The following VPS41 variants were observed in gnomAD, a reference collection of about 807,000 sequenced individuals.
VPS41 encodes the protein VPS41 subunit of HOPS complex.
In VPS41, 85 loss-of-function variants were observed where a neutral mutation model predicts 130.9. That is an observed-to-expected ratio of 0.65 (90% CI 0.55 to 0.78). VPS41 has a LOEUF of 0.78. VPS41 is among the 30% of genes least tolerant of loss of function. The probability of loss-of-function intolerance (pLI) is 0.00; values close to 1 mark genes in which losing one functional copy is unlikely to be tolerated. For synonymous variants in VPS41, 335 were observed against 332.9 expected (o/e 1.01, Z -0.07); for missense variants, 874 against 1,018.7 (o/e 0.86, Z 1.93).
intron 2 of VPS41, among the ~76,000 whole-genome samples, chr7:38,893,627 C>T (rs1786913701): frequency 6.6e-6 from 1 of 152,222 alleles, no homozygotes; most frequent in African/African-American, 2.4e-5. Flanking sequence ...CTGGAAGGAC[C>T]AGTTTAGTTA....
At chr7:38,813,845 C>T (rs897658716) in intron 7 of VPS41, among the ~76,000 whole-genome samples, 2 of 151,884 alleles carry the variant, frequency 1.3e-5, no homozygotes, top group African/African-American at 2.4e-5. Flanking sequence ...ATGCTTGGAA[C>T]GAGATGTCAA....
chr7:38,805,895 T>C (rs571152785), intron 7 of VPS41, among the ~76,000 whole-genome samples: 2 of 152,328 alleles, frequency 1.3e-5, no homozygotes, highest in East Asian at 3.9e-4. Context: ...CTGCAGGCTG[T>C]TCAGTAAGCA....
intron 4 of VPS41, among the ~76,000 whole-genome samples, chr7:38,835,740 T>C (rs1785477429): frequency 6.6e-6 from 1 of 151,890 alleles, no homozygotes; most frequent in Non-Finnish European, 1.5e-5. Flanking sequence ...TATCAAAGAC[T>C]GATTAAAAAC....
At chr7:38,785,510 C>T (rs1321876286) in intron 10 of VPS41, among the ~76,000 whole-genome samples, 1 of 152,196 alleles carries the variant, frequency 6.6e-6, no homozygotes, top group Non-Finnish European at 1.5e-5. Context: ...AATGACAACA[C>T]TAAGCTGATA....
rs1562569211 is a variant in VPS41, at chr7:38,745,553, A to G, written c.1981+6T>C. On this transcript the variant is annotated splice_donor_region_variant and intron_variant, in intron 23 of 28. Coordinates refer to ENST00000310301, the MANE Select transcript of VPS41 (RefSeq NM_014396.4). Reference sequence around the variant, plus strand: ...ATGGGGACCAAAATGAATAAAAGCTACTTACTCAGAAGATAAACTGTCTCT... The same window carrying G: ...ATGGGGACCAAAATGAATAAAAGCTGCTTACTCAGAAGATAAACTGTCTCT... 2 of 1,608,680 alleles carry G rather than the reference A, an allele frequency of 1.2e-6. No homozygotes were observed. The highest frequency in any genetic ancestry group is 2.7e-5 in the African/African-American group (2 of 74,858).
chr7:38,895,828 G>A (rs946101984), intron 2 of VPS41, among the ~76,000 whole-genome samples: 6 of 152,096 alleles, frequency 3.9e-5, no homozygotes, highest in African/African-American at 1.4e-4. Context: ...TTAAATTCTC[G>A]AAATCCACCA....
chr7:38,771,066 A>G, intron 14 of VPS41, 132 bp downstream of exon 14: 1 of 697,274 alleles, frequency 1.4e-6, no homozygotes, highest in Non-Finnish European at 2.4e-6. Flanking sequence ...TTTTGATCTC[A>G]TAGGTTAGGG....
In VPS41 at chr7:38,830,243, C is replaced by A. The variant is rs778218664; in HGVS notation, c.321+11G>T. ...CACAGAACTCTCTGCATGACCACAT[C>A]TTTGCCATACCTTGCCATCCTCTGA... On this transcript the variant is annotated intron_variant, in intron 5 of 28. Transcript: ENST00000310301. The A allele has an allele frequency of 1.1e-5, 18 of 1,600,094 alleles. No homozygotes were observed. Among genetic ancestry groups the A allele is most frequent in the Non-Finnish European group, 1.4e-5 (16 of 1,167,196 alleles).
intron 10 of VPS41, among the ~76,000 whole-genome samples, chr7:38,780,670 C>A (rs1345712528): frequency 6.6e-6 from 1 of 152,158 alleles, no homozygotes; most frequent in Non-Finnish European, 1.5e-5. Context: ...GGCCAAAACA[C>A]AAATGACATA....
chr7:38,887,849 G>A (rs535529271), intron 2 of VPS41, among the ~76,000 whole-genome samples: 108 of 152,302 alleles, frequency 7.1e-4, no homozygotes, highest in African/African-American at 2.5e-3. Context: ...AACCCTACAA[G>A]CCAGAAGAGA....
chr7:38,741,614 T>G (rs1237173202), intron 25 of VPS41, among the ~76,000 whole-genome samples: 1 of 152,228 alleles, frequency 6.6e-6, no homozygotes, highest in Non-Finnish European at 1.5e-5. Flanking sequence ...GATACAATAC[T>G]TATTCTCCCT....
At chr7:38,774,346 T>G in intron 11 of VPS41, 102 bp from the exon 12 acceptor site, 2 of 1,070,784 alleles carry the variant, frequency 1.9e-6, no homozygotes, top group Non-Finnish European at 2.5e-6. Flanking sequence ...CTCACACTCC[T>G]ATGAAGAAAT....
chr7:38,735,146 G>A (rs554120494), intron 25 of VPS41, among the ~76,000 whole-genome samples: 1 of 152,290 alleles, frequency 6.6e-6, no homozygotes, highest in East Asian at 1.9e-4. Context: ...TCACCTAAAA[G>A]CTGTGATAAG....
At chr7:38,883,590 C>T (rs1048754384) in intron 2 of VPS41, among the ~76,000 whole-genome samples, 3 of 152,098 alleles carry the variant, frequency 2.0e-5, no homozygotes, top group African/African-American at 7.2e-5. Flanking sequence ...TTTACTGTCT[C>T]CCTCATGAAA....
chr7:38,753,422 G>GC (rs1264989402), intron 21 of VPS41, among the ~76,000 whole-genome samples: 7 of 152,048 alleles, frequency 4.6e-5, no homozygotes, highest in African/African-American at 1.7e-4. Flanking sequence ...CATGTGCCAG[G>GC]CAGAGGTCTG....
chr7:38,804,525 G>A (rs1015637438), intron 7 of VPS41, among the ~76,000 whole-genome samples: 2 of 152,184 alleles, frequency 1.3e-5, no homozygotes, highest in Non-Finnish European at 2.9e-5. Flanking sequence ...CCAATGCTCT[G>A]AAATTTAAAA....
intron 2 of VPS41, among the ~76,000 whole-genome samples, chr7:38,893,628 A>C (rs757141570): frequency 6.6e-6 from 1 of 152,264 alleles, no homozygotes; most frequent in Non-Finnish European, 1.5e-5. Flanking sequence ...TGGAAGGACC[A>C]GTTTAGTTAG....
At chr7:38,819,529 T>C (rs903854082) in intron 6 of VPS41, among the ~76,000 whole-genome samples, 6 of 152,186 alleles carry the variant, frequency 3.9e-5, no homozygotes, top group African/African-American at 1.4e-4. Context: ...TATTCCTTCA[T>C]GTATAGTGAC....
At chr7:38,752,413 T>A in intron 21 of VPS41, 100 bp from the exon 22 acceptor site, 1 of 1,426,368 alleles carries the variant, frequency 7.0e-7, no homozygotes, top group Non-Finnish European at 9.5e-7. Flanking sequence ...CATGGACAGG[T>A]TGGGGGAGAA....
Sources: gnomAD v4.1 joint callset for allele counts (sites outside exome capture counted in the v4.1 genomes callset) on GRCh38, gnomAD v4.1.1 for gene constraint, MANE v1.5 for transcripts, NCBI Gene and HGNC (gene_info 2026-07-23, HGNC 2026-07-21) for gene names.